The following ANKRD50 variants were observed in gnomAD, a reference collection of about 807,000 sequenced individuals.
The protein encoded by ANKRD50 is ankyrin repeat domain-containing protein 50.
A neutral mutation model predicts 112.0 loss-of-function variants in ANKRD50; 40 were observed. That is an observed-to-expected ratio of 0.36 (90% CI 0.28 to 0.46). The LOEUF is 0.46. ANKRD50 is among the 20% of genes least tolerant of loss of function. The pLI is 1.00. For missense variants in ANKRD50, 1,487 were observed against 1,701.7 expected, an observed-to-expected ratio of 0.87 and a Z score of 2.22; for synonymous variants, 613 against 619.1, an observed-to-expected ratio of 0.99 and a Z score of 0.15.
intron 3 of ANKRD50, among the ~76,000 whole-genome samples, chr4:124,675,046 A>G (rs1408731268): frequency 6.6e-6 from 1 of 151,778 alleles, no homozygotes; most frequent in Non-Finnish European, 1.5e-5. Context: ...GATAGGGCTG[A>G]AAAATAATCA....
intron 2 of ANKRD50, among the ~76,000 whole-genome samples, chr4:124,700,027 A>G (rs930958221): frequency 1.3e-5 from 2 of 152,236 alleles, no homozygotes; most frequent in African/African-American, 2.4e-5. Context: ...CCAGATCATT[A>G]CAGATACTGA....
intron 2 of ANKRD50, among the ~76,000 whole-genome samples, chr4:124,691,770 T>C (rs951047391): frequency 2.0e-5 from 3 of 152,164 alleles, no homozygotes; most frequent in African/African-American, 7.2e-5. Context: ...GGAAAAACTG[T>C]GTGCCTCTAG....
chr4:124,666,156 G>A lies in ANKRD50; in HGVS notation c.*1362C>T, dbSNP rs942407950. ...CTAAACTGTTATGACAACTTTTCCA[G>A]ACATATAAACGACCCATCTAAGCTA... On this transcript the variant is annotated 3_prime_UTR_variant, in exon 5 of 5. Coordinates refer to ENST00000504087, the MANE Select transcript of ANKRD50 (RefSeq NM_020337.3). 7 of 152,274 alleles carry A rather than the reference G, an allele frequency of 4.6e-5. No homozygotes were observed. The highest frequency in any genetic ancestry group is 1.0e-4 in the Non-Finnish European group (7 of 67,902). 9.4% of individuals were successfully genotyped at this position (152,274 alleles called of 1,614,324 possible).
chr4:124,690,139 A>G (rs551572132), intron 2 of ANKRD50, among the ~76,000 whole-genome samples: 1 of 152,322 alleles, frequency 6.6e-6, no homozygotes, highest in South Asian at 2.1e-4. Context: ...CAAAAAATTC[A>G]TGTGTCATTA....
intron 3 of ANKRD50, among the ~76,000 whole-genome samples, chr4:124,673,768 T>C (rs1382953231): frequency 6.6e-6 from 1 of 152,032 alleles, no homozygotes; most frequent in East Asian, 1.9e-4. Context: ...GTAGACAAAA[T>C]GGACAGTTAT....
chr4:124,671,706 C>T lies in ANKRD50; in HGVS notation c.1571G>A (p.Arg524Lys). 6.8e-6 allele frequency: 11 copies of T among 1,613,866 alleles called. No individual in the cohort carries two copies. Among genetic ancestry groups the T allele is most frequent in the Non-Finnish European group, 9.3e-6 (11 of 1,179,860 alleles). Residue 524 changes from arginine to lysine, a missense_variant, in exon 4 of 5, where the codon AGA becomes AAA. Physicochemically the swap from Arg to Lys is conservative, Grantham distance 26. This residue lies in a region of ANKRD50 where 1,046 missense variants were observed against 1,269.5 expected (regional missense o/e 0.82). Coordinates refer to ENST00000504087, the MANE Select transcript of ANKRD50 (RefSeq NM_020337.3). ...TAATAATGTCCGAATGGAATCCTCT[C>T]TTTCTAAGGCTTGTCGAACTATGCA... ...TSCIVRQALE[R>K]EDSIRTLLDN...
At chr4:124,684,894 C>T (rs1452597696) in intron 2 of ANKRD50, among the ~76,000 whole-genome samples, 1 of 151,784 alleles carries the variant, frequency 6.6e-6, no homozygotes, top group African/African-American at 2.4e-5. Flanking sequence ...TTTTCTTTTT[C>T]CCCCCCATTC....
chr4:124,685,474 T>C (rs1724986096), intron 2 of ANKRD50, among the ~76,000 whole-genome samples: 1 of 152,188 alleles, frequency 6.6e-6, no homozygotes, highest in African/African-American at 2.4e-5. Flanking sequence ...TTTTATCATT[T>C]GTAAAATGAA....
intron 2 of ANKRD50, among the ~76,000 whole-genome samples, chr4:124,684,442 A>G (rs2110515895): frequency 6.6e-6 from 1 of 152,216 alleles, no homozygotes; most frequent in Middle Eastern, 3.4e-3. Flanking sequence ...TACTACACCC[A>G]ATACTACACT....
rs1444962631 is a variant in ANKRD50 at position 124,670,290 on chromosome 4, T to A, written c.2987A>T (p.Gln996Leu). 1 of 1,613,972 alleles carries A rather than the reference T, an allele frequency of 6.2e-7. No homozygotes were observed. The highest frequency in any genetic ancestry group is 1.7e-5 in the Admixed American group (1 of 59,950). The part of the protein sequence containing the change: ...SCWQGHMEMV[Q>L]VLIAYHADVN... Reference sequence around the variant, plus strand: ...GTCAGCATGGTATGCTATCAGGACCTGCACCATTTCCATATGGCCTTGCCA... The same window carrying A: ...GTCAGCATGGTATGCTATCAGGACCAGCACCATTTCCATATGGCCTTGCCA... The change falls in exon 4 of 5, where the codon CAG (glutamine) becomes CTG (leucine). Residue 996 changes from glutamine to leucine, a missense_variant. Transcript: ENST00000504087.
At chr4:124,688,545 C>T (rs559954821) in intron 2 of ANKRD50, among the ~76,000 whole-genome samples, 3 of 152,132 alleles carry the variant, frequency 2.0e-5, no homozygotes, top group Admixed American at 6.5e-5. Flanking sequence ...TACTTGTTAA[C>T]GTTTCTTTGA....
chr4:124,711,571 C>T (rs192937549), intron 1 of ANKRD50, among the ~76,000 whole-genome samples: 61 of 152,196 alleles, frequency 4.0e-4, no homozygotes, highest in African/African-American at 1.4e-3. Flanking sequence ...CATACAGTAA[C>T]ACCCTTAACT....
At chr4:124,708,685 A>AAC (rs1294439639) in intron 2 of ANKRD50, among the ~76,000 whole-genome samples, 3 of 127,602 alleles carry the variant, frequency 2.4e-5, no homozygotes, top group Non-Finnish European at 5.0e-5. Flanking sequence ...TAAGATTACT[A>AAC]ACACATACAC....
In ANKRD50 at chr4:124,710,237, C is replaced by T; in HGVS notation, c.275G>A (p.Trp92Ter). ...CTGCAAACTTGCAGGTGAACTTGGC[C>T]ATAAGAGTTCAGTACATAGGGCCGT... ...GKTALCTELLWPSSPASLQRG... is the reference protein window; with the variant it reads ...GKTALCTELL The change falls in exon 2 of 5, where the codon TGG becomes TAG. Residue 92 changes from tryptophan (W) to a stop codon, truncating the protein, a stop_gained. Transcript: ENST00000504087. LOFTEE classifies it high-confidence loss of function. The T allele has an allele frequency of 6.2e-7, 1 of 1,614,158 alleles. No individual in the cohort carries two copies. Among genetic ancestry groups the T allele is most frequent in the Non-Finnish European group, 8.5e-7 (1 of 1,180,042 alleles).
chr4:124,699,112 A>G (rs1361828060), intron 2 of ANKRD50, among the ~76,000 whole-genome samples: 1 of 152,162 alleles, frequency 6.6e-6, no homozygotes, highest in Non-Finnish European at 1.5e-5. Flanking sequence ...TACTTTTATA[A>G]AAAGTAAATT....
chr4:124,707,816 G>A (rs971244180), intron 2 of ANKRD50, among the ~76,000 whole-genome samples: 2 of 151,886 alleles, frequency 1.3e-5, no homozygotes, highest in African/African-American at 2.4e-5. Context: ...GCTAATAACT[G>A]AGAATCACAC....
chr4:124,671,934 G>A lies in ANKRD50; in HGVS notation c.1343C>T (p.Thr448Ile). Residue 448 changes from threonine to isoleucine, a missense_variant, in exon 4 of 5, where the codon ACA (threonine) becomes ATA (isoleucine). Thr to Ile is a moderately conservative substitution (Grantham distance 89). Transcript: ENST00000504087. ...MSYTCQAKNL[T>I]PLEAQEFALH... ...TGCAAATTCTTGTGCTTCCAATGGT[G>A]TTAAATTCTTGGCTTGACAGGTATA... 1 of 1,613,840 alleles carries A rather than the reference G, an allele frequency of 6.2e-7. No homozygotes were observed. The highest frequency in any genetic ancestry group is 8.5e-7 in the Non-Finnish European group (1 of 1,179,858).
chr4:124,675,382 A>T (rs1371969084), intron 3 of ANKRD50, among the ~76,000 whole-genome samples: 1 of 150,880 alleles, frequency 6.6e-6, no homozygotes, highest in African/African-American at 2.5e-5. Flanking sequence ...AGCAATACGA[A>T]AATAAAACCT....
intron 3 of ANKRD50, among the ~76,000 whole-genome samples, 199 bp from the exon 4 acceptor site, chr4:124,672,733 A>G (rs1026971553): frequency 4.6e-5 from 7 of 151,984 alleles, no homozygotes; most frequent in African/African-American, 1.4e-4. Context: ...GAAAAATTTC[A>G]TTTTCCTACC....
Sources: gnomAD v4.1 joint callset for allele counts (sites outside exome capture counted in the v4.1 genomes callset) on GRCh38, gnomAD v4.1.1 for gene constraint, gnomAD v4.1.1 regional missense constraint, MANE v1.5 for transcripts, NCBI Gene and HGNC (gene_info 2026-07-23, HGNC 2026-07-21) for gene names.